The following CRHR2 variants were observed in gnomAD, a reference collection of about 807,000 sequenced individuals.
CRHR2 encodes the protein corticotropin releasing hormone receptor 2, also known as corticotropin-releasing hormone receptor 2.
In CRHR2, 53 loss-of-function variants were observed where a neutral mutation model predicts 57.9. That is an observed-to-expected ratio of 0.92 (90% CI 0.73 to 1.15). The LOEUF is 1.15. Ranked by LOEUF, CRHR2 falls within the 50% of genes most tolerant of loss-of-function variation. The pLI is 0.00. For synonymous variants in CRHR2, 213 were observed against 220.9 expected (o/e 0.96, Z 0.32); for missense variants, 532 against 542.6 (o/e 0.98, Z 0.19).
In CRHR2 at chr7:30,660,591, G is replaced by A. The variant is rs1281662335; in HGVS notation, c.813C>T (p.Pro271=). ...GGCTTACCAGGAGCACGAGAATGAT[G>A]GGGCCTTGGTAGATGTAGTCCACCA... The part of the protein sequence containing the change: ...GDLVDYIYQG[P]IILVLLINFV... The change falls in exon 8 of 12, where the codon CCC becomes CCT. Residue 271 remains proline (P), a synonymous_variant. Transcript: ENST00000471646. 10 of 1,568,896 alleles carry A rather than the reference G, an allele frequency of 6.4e-6. No homozygotes were observed. In the South Asian group the frequency reaches 1.2e-4, roughly 18 times the overall value.
At chr7:30,659,958 A>G (rs1783933710) in intron 8 of CRHR2, among the ~76,000 whole-genome samples, 1 of 152,008 alleles carries the variant, frequency 6.6e-6, no homozygotes, top group South Asian at 2.1e-4. Context: ...CTTTTTTTTA[A>G]AGGTATGATA....
intron 10 of CRHR2, 95 bp from the exon 11 acceptor site, chr7:30,655,175 GA>G (rs1223840290): frequency 7.8e-7 from 1 of 1,282,480 alleles, no homozygotes; most frequent in East Asian, 2.5e-5. Flanking sequence ...GTGGGGGGGG[GA>G]CAATTTGACC....
At chr7:30,657,503 A>T (rs577799160) in intron 8 of CRHR2, among the ~76,000 whole-genome samples, 59 of 152,320 alleles carry the variant, frequency 3.9e-4, no homozygotes, top group African/African-American at 1.3e-3. Context: ...TCACCTTAAC[A>T]TATAAGTGAA....
chr7:30,682,210 A>G lies in CRHR2; in HGVS notation c.71T>C (p.Leu24Ser), dbSNP rs1464318885. The G allele has an allele frequency of 6.3e-7, 1 of 1,589,842 alleles. No individual in the cohort carries two copies. Among genetic ancestry groups the G allele is most frequent in the East Asian group, 2.3e-5 (1 of 43,828 alleles). The change falls in exon 1 of 12, where the codon TTG becomes TCG. Residue 24 changes from leucine to serine, a missense_variant. Transcript: ENST00000471646. ...CSLALAEELL[L>S]DGWGPPLDPE... ...GTCCAGGGGTGGCCCCCAGCCGTCC[A>G]AGAGCAGCTCTTCAGCCAGCGCCAG...
upstream of CRHR2, among the ~76,000 whole-genome samples, chr7:30,683,316 C>T (rs1193609671): frequency 1.3e-5 from 2 of 152,230 alleles, no homozygotes; most frequent in Non-Finnish European, 2.9e-5. Context: ...CAGGGCTTCA[C>T]CTGACCCTGG....
rs971742168 is a variant in CRHR2, at chr7:30,660,501, G to A, written c.831+72C>T. 89 of 1,463,590 alleles carry A rather than the reference G, an allele frequency of 6.1e-5. 1 individual carries two copies. In the Middle Eastern group the frequency reaches 1.1e-3, roughly 18 times the overall value. 90.7% of individuals were successfully genotyped at this position (1,463,590 alleles called of 1,614,324 possible). ...CTGCCCATGCCACATCTTTCCCAGC[G>A]TCTCTGCCTGGGTGGGCCCTCTTCT... On this transcript the variant is annotated intron_variant, in intron 8 of 11. Coordinates refer to ENST00000471646, the MANE Select transcript of CRHR2 (RefSeq NM_001883.5).
intron 2 of CRHR2, among the ~76,000 whole-genome samples, 166 bp downstream of exon 2, chr7:30,681,749 G>A (rs1372032089): frequency 6.6e-6 from 1 of 152,236 alleles, no homozygotes; most frequent in Non-Finnish European, 1.5e-5. Context: ...GGGGGTAGAA[G>A]CAGAAGGCGC....
rs1176025856 is a variant in CRHR2 at position 30,660,567 on chromosome 7, G to C, written c.831+6C>G. The stretch of plus-strand genomic sequence containing the variant: ...AGCCCCATCCCAGCCACCGCTGAGG[G>C]CTTACCAGGAGCACGAGAATGATGG... On this transcript the variant is annotated splice_donor_region_variant and intron_variant, in intron 8 of 11. Coordinates refer to ENST00000471646, the MANE Select transcript of CRHR2 (RefSeq NM_001883.5). The C allele has an allele frequency of 9.6e-6, 15 of 1,559,272 alleles. No homozygotes were observed. The highest frequency in any genetic ancestry group is 1.3e-5 in the Non-Finnish European group (15 of 1,151,448).
intron 2 of CRHR2, among the ~76,000 whole-genome samples, chr7:30,673,563 TCC>T (rs1480144924): frequency 6.6e-6 from 1 of 152,168 alleles, no homozygotes; most frequent in African/African-American, 2.4e-5. Flanking sequence ...CAATGTCTCC[TCC>T]CAGCTTGGCC....
At chr7:30,694,545 C>A (rs1345048215) in intron 1 of CRHR2, among the ~76,000 whole-genome samples, 1 of 152,216 alleles carries the variant, frequency 6.6e-6, no homozygotes, top group Non-Finnish European at 1.5e-5. Flanking sequence ...ATGGTATAAG[C>A]TGGGGAGATT....
At chr7:30,686,482 A>T (rs963758104), upstream of CRHR2, 1 of 1,518,548 alleles carries the variant, frequency 6.6e-7, no homozygotes, top group South Asian at 1.2e-5. Flanking sequence ...TGTGTGTTGC[A>T]TTGAGGAATT....
chr7:30,674,270 G>C (rs974502165), intron 2 of CRHR2, among the ~76,000 whole-genome samples: 1 of 152,232 alleles, frequency 6.6e-6, no homozygotes, highest in African/African-American at 2.4e-5. Flanking sequence ...CCTCCCCAGA[G>C]AGGGGCAGTG....
At chr7:30,658,153 C>CCT in intron 8 of CRHR2, among the ~76,000 whole-genome samples, 2 of 152,312 alleles carry the variant, frequency 1.3e-5, no homozygotes, top group East Asian at 3.9e-4. Context: ...CAGGTACCTT[C>CCT]CTCTCTCTCC....
intron 1 of CRHR2, among the ~76,000 whole-genome samples, chr7:30,698,646 T>C (rs945588910): frequency 1.3e-5 from 2 of 152,058 alleles, no homozygotes; most frequent in Non-Finnish European, 2.9e-5. Context: ...TGACCACAGC[T>C]CAGCATACTA....
At chr7:30,682,552 G>A (rs1784760903), upstream of CRHR2, 2 of 1,217,960 alleles carry the variant, frequency 1.6e-6, no homozygotes, top group East Asian at 4.0e-5. Context: ...GGGGCCGGGC[G>A]GCTCCTCTCG....
At chr7:30,659,950 T>C (rs995011143) in intron 8 of CRHR2, among the ~76,000 whole-genome samples, 13 of 152,192 alleles carry the variant, frequency 8.5e-5, no homozygotes, top group Admixed American at 4.6e-4. Flanking sequence ...CTCTCTCTCT[T>C]TTTTTTAAAG....
upstream of CRHR2, chr7:30,686,616 C>T: frequency 1.8e-6 from 2 of 1,105,658 alleles, no homozygotes; most frequent in Non-Finnish European, 1.3e-6. Flanking sequence ...CAAGACCAGC[C>T]TACAAAAAAT....
At chr7:30,697,207 C>G (rs1465782530) in intron 1 of CRHR2, among the ~76,000 whole-genome samples, 2 of 152,234 alleles carry the variant, frequency 1.3e-5, no homozygotes, top group South Asian at 4.2e-4. Context: ...GTTCTGTTCT[C>G]TTTGTTGAGC....
chr7:30,664,050 C>A (rs1034144792), intron 5 of CRHR2, among the ~76,000 whole-genome samples: 12 of 152,360 alleles, frequency 7.9e-5, no homozygotes, highest in Non-Finnish European at 8.8e-5. Flanking sequence ...CCCAACCCTA[C>A]TTTTCATCCA....
Sources: gnomAD v4.1 joint callset for allele counts (sites outside exome capture counted in the v4.1 genomes callset) on GRCh38, gnomAD v4.1.1 for gene constraint, MANE v1.5 for transcripts, NCBI Gene and HGNC (gene_info 2026-07-23, HGNC 2026-07-21) for gene names.